The following CMSS1 variants were observed in gnomAD, a reference collection of about 807,000 sequenced individuals.
The protein encoded by CMSS1 is protein CMSS1.
CMSS1 carries 33 observed loss-of-function variants against 43.5 expected under a neutral mutation model. That is an observed-to-expected ratio of 0.76 (90% CI 0.57 to 1.01). CMSS1 has a LOEUF of 1.01. Ranked by LOEUF, CMSS1 falls within the 50% of genes least tolerant of loss-of-function variation. The pLI is 0.00. For missense variants in CMSS1, 313 were observed against 326.4 expected (o/e 0.96, Z 0.32); for synonymous variants, 115 against 117.2 (o/e 0.98, Z 0.12).
intron 1 of CMSS1, among the ~76,000 whole-genome samples, chr3:100,131,674 T>C (rs959217770): frequency 1.3e-5 from 2 of 152,214 alleles, no homozygotes; most frequent in Admixed American, 6.5e-5. Context: ...GTGATAGCCA[T>C]TTAGGAAAAT....
intron 4 of CMSS1, among the ~76,000 whole-genome samples, chr3:100,164,173 C>T (rs964304541): frequency 6.6e-6 from 1 of 152,224 alleles, no homozygotes; most frequent in Non-Finnish European, 1.5e-5. Context: ...ACGGCCTCTG[C>T]TGTGAAAACT....
intron 1 of CMSS1, among the ~76,000 whole-genome samples, chr3:100,117,457 T>A (rs1021089368): frequency 6.6e-6 from 1 of 151,838 alleles, no homozygotes; most frequent in Non-Finnish European, 1.5e-5. Context: ...GAGAAAAAAA[T>A]AAGGTGGAAT....
chr3:99,862,000 C>T (rs938712335), intron 1 of CMSS1, among the ~76,000 whole-genome samples: 1 of 152,112 alleles, frequency 6.6e-6, no homozygotes, highest in Non-Finnish European at 1.5e-5. Context: ...TACAAAAAGT[C>T]CTTATCATAG....
Position 100,074,675 on chromosome 3 carries a change from A to ATTTTTTTTTTTTTTTTTTTTTTTTT in CMSS1, c.65-72286_65-72262dup, listed in dbSNP as rs555819875. On this transcript the variant is annotated intron_variant, in intron 1 of 9. Transcript: ENST00000421999. Reference sequence around the variant, plus strand: ...ATTTTCTATGCATGTGCAACATTTGATTTTTTTTTTTTTTTTTTTTTTTTT... The same window carrying ATTTTTTTTTTTTTTTTTTTTTTTTT: ...ATTTTCTATGCATGTGCAACATTTGATTTTTTTTTTTTTTTTTTTTTTTTTTTTTTTTTTTTTTTTTTTTTTTTTT... Among the ~76,000 whole-genome samples, 21 of 34,806 alleles carry ATTTTTTTTTTTTTTTTTTTTTTTTT rather than the reference A, an allele frequency of 6.0e-4. 8 individuals are homozygous for ATTTTTTTTTTTTTTTTTTTTTTTTT. The highest frequency in any genetic ancestry group is 2.1e-3 in the East Asian group (2 of 942). The allele number at this position is 34,806 out of a possible 152,430, so 22.8% of individuals were successfully genotyped here.
intron 1 of CMSS1, among the ~76,000 whole-genome samples, chr3:99,891,820 T>C (rs1373694749): frequency 1.3e-5 from 2 of 152,340 alleles, no homozygotes; most frequent in African/African-American, 4.8e-5. Flanking sequence ...AGTTGCCTAA[T>C]TGTATAAACA....
At chr3:99,889,989 TTTC>T (rs1706033301) in intron 1 of CMSS1, among the ~76,000 whole-genome samples, 1 of 151,980 alleles carries the variant, frequency 6.6e-6, no homozygotes, top group Non-Finnish European at 1.5e-5. Flanking sequence ...TCGCCTCTTA[TTTC>T]TTCTTTTATT....
At chr3:100,051,846 T>TA (rs1199913608) in intron 1 of CMSS1, among the ~76,000 whole-genome samples, 3 of 148,796 alleles carry the variant, frequency 2.0e-5, no homozygotes, top group Admixed American at 6.7e-5. Flanking sequence ...ATTATATATA[T>TA]TTTTTATAGT....
At chr3:100,134,539 A>C (rs1397254533) in intron 1 of CMSS1, among the ~76,000 whole-genome samples, 1 of 152,236 alleles carries the variant, frequency 6.6e-6, no homozygotes, top group Non-Finnish European at 1.5e-5. Flanking sequence ...TAATATATTA[A>C]AGAATCTCTG....
chr3:99,995,661 A>G (rs1709656864), intron 1 of CMSS1, among the ~76,000 whole-genome samples: 1 of 152,172 alleles, frequency 6.6e-6, no homozygotes, highest in Non-Finnish European at 1.5e-5. Context: ...AGGCGTTTCC[A>G]TACATCTTCT....
chr3:100,117,831 A>G (rs1395156408), intron 1 of CMSS1, among the ~76,000 whole-genome samples: 92 of 89,644 alleles, frequency 1.0e-3, no homozygotes, highest in African/African-American at 4.2e-3. Flanking sequence ...TGCAGTATAT[A>G]TATATATATA....
Position 100,180,687 on chromosome 3 carries a change from G to T in CMSS1, c.*2299G>T, listed in dbSNP as rs1244243296. 6.6e-6 allele frequency: 1 copy of T among 152,216 alleles called. No homozygotes were observed. Among genetic ancestry groups the T allele is most frequent in the Non-Finnish European group, 1.5e-5 (1 of 68,068 alleles). 9.4% of individuals were successfully genotyped at this position (152,216 alleles called of 1,614,324 possible). ...AAACTGTTCAACAAGTCTCTAGGAGGTTCCAAACATCCCTCATATTCCTGT... is the reference window on the plus strand; with the variant it reads ...AAACTGTTCAACAAGTCTCTAGGAGTTTCCAAACATCCCTCATATTCCTGT... On this transcript the variant is annotated 3_prime_UTR_variant, in exon 10 of 10. Coordinates refer to ENST00000421999, the MANE Select transcript of CMSS1 (RefSeq NM_032359.4).
chr3:100,068,357 TGTG>T (rs1374199188), intron 1 of CMSS1, among the ~76,000 whole-genome samples: 8 of 143,298 alleles, frequency 5.6e-5, no homozygotes, highest in African/African-American at 1.8e-4. Context: ...CCTCTGTGTG[TGTG>T]TGTGTGTGTG....
chr3:99,943,564 C>T (rs931934171), intron 1 of CMSS1, among the ~76,000 whole-genome samples: 1 of 151,976 alleles, frequency 6.6e-6, no homozygotes. Context: ...ATTAGCCGGG[C>T]GTGGTGGCAT....
intron 1 of CMSS1, among the ~76,000 whole-genome samples, chr3:100,013,569 A>G (rs1710230015): frequency 6.6e-6 from 1 of 152,166 alleles, no homozygotes; most frequent in African/African-American, 2.4e-5. Context: ...TTAGATAAAA[A>G]GTATGTAGAG....
At chr3:100,013,101 T>A (rs1710210377) in intron 1 of CMSS1, among the ~76,000 whole-genome samples, 1 of 152,146 alleles carries the variant, frequency 6.6e-6, no homozygotes, top group South Asian at 2.1e-4. Context: ...GATCTTGAAC[T>A]CCTGGGCTCA....
intron 1 of CMSS1, among the ~76,000 whole-genome samples, chr3:100,144,606 T>C (rs1010340624): frequency 9.9e-5 from 15 of 152,224 alleles, no homozygotes; most frequent in African/African-American, 3.6e-4. Flanking sequence ...GGTGGAAGTC[T>C]AGGCTCCCCA....
In CMSS1 at chr3:99,924,459, G is replaced by T. The variant is rs369254896; in HGVS notation, c.64+106416G>T. ...GTTACCAAATTGTTTATATACTGTT[G>T]TCTTTCACTCTTTTAGAAATGTCCC... On this transcript the variant is annotated intron_variant, in intron 1 of 9. Transcript: ENST00000421999. 6 of 1,513,162 alleles carry T rather than the reference G, an allele frequency of 4.0e-6. No individual in the cohort carries two copies. The African/African-American group carries it at 5.6e-5, about 14-fold the overall frequency. The allele number at this position is 1,513,162 out of a possible 1,614,324, so 93.7% of individuals were successfully genotyped here. A position where few individuals can be genotyped will look rare whatever the true frequency, so the allele number is the denominator to read the frequency against.
intron 1 of CMSS1, among the ~76,000 whole-genome samples, chr3:99,869,565 C>A (rs1366104062): frequency 2.6e-5 from 4 of 152,184 alleles, no homozygotes; most frequent in Non-Finnish European, 5.9e-5. Flanking sequence ...GACTAAGGGA[C>A]TTCCACAATA....
intron 1 of CMSS1, among the ~76,000 whole-genome samples, chr3:99,844,143 G>C (rs2107511736): frequency 6.6e-6 from 1 of 152,274 alleles, no homozygotes; most frequent in African/African-American, 2.4e-5. Flanking sequence ...CACTGGGAGA[G>C]AGTATCTTAC....
Sources: allele counts gnomAD v4.1 joint callset (sites outside exome capture counted in the v4.1 genomes callset), GRCh38; gene constraint gnomAD v4.1.1; transcripts MANE v1.5; gene names NCBI Gene and HGNC (gene_info 2026-07-23, HGNC 2026-07-21).